OLFML2A: variants seen among roughly 807,000 people sequenced by gnomAD.
The protein encoded by OLFML2A is olfactomedin-like protein 2A.
In OLFML2A, 47 loss-of-function variants were observed where a neutral mutation model predicts 60.9. The observed-to-expected ratio is 0.77, with a 90% confidence interval of 0.61 to 0.98. The LOEUF (loss-of-function observed/expected upper bound fraction) is 0.98, where lower values mean the gene tolerates loss of function less well. OLFML2A is among the 50% of genes least tolerant of loss of function. The pLI, the probability that OLFML2A is intolerant of heterozygous loss-of-function variation, is 0.00. For missense variants in OLFML2A, 922 were observed against 879.8 expected (o/e 1.05, Z -0.61); for synonymous variants, 372 against 375.0 (o/e 0.99, Z 0.09).
intron 3 of OLFML2A, among the ~76,000 whole-genome samples, chr9:124,797,962 G>C (rs924419266): frequency 6.6e-6 from 1 of 152,224 alleles, no homozygotes; most frequent in Non-Finnish European, 1.5e-5. Flanking sequence ...AGCAAGGGGA[G>C]ATGAGGCAGG....
At chr9:124,803,268 CT>C (rs1841817672) in intron 5 of OLFML2A, among the ~76,000 whole-genome samples, 1 of 151,830 alleles carries the variant, frequency 6.6e-6, no homozygotes. Flanking sequence ...TCCTTTCTTT[CT>C]TTTTTTCTTT....
At chr9:124,783,856 G>A (rs1451055760) in intron 1 of OLFML2A, among the ~76,000 whole-genome samples, 2 of 152,192 alleles carry the variant, frequency 1.3e-5, no homozygotes, top group Non-Finnish European at 2.9e-5. Flanking sequence ...CATATTTCAG[G>A]TACTAATAGG....
intron 3 of OLFML2A, among the ~76,000 whole-genome samples, chr9:124,795,892 G>C (rs551649013): frequency 6.6e-6 from 1 of 152,378 alleles, no homozygotes; most frequent in Admixed American, 6.5e-5. Context: ...TCCTGCCCTG[G>C]TCAGGGTGAA....
chr9:124,805,813 T>TTTG (rs1554757346), intron 6 of OLFML2A, among the ~76,000 whole-genome samples: 22 of 126,808 alleles, frequency 1.7e-4, no homozygotes, highest in African/African-American at 6.2e-4. Context: ...TTTTGGTTTT[T>TTTG]TTTTTTTTTT....
intron 6 of OLFML2A, among the ~76,000 whole-genome samples, chr9:124,807,292 C>CCCTTTTT (rs1554757483): frequency 1.2e-5 from 1 of 86,512 alleles, no homozygotes; most frequent in Non-Finnish European, 2.1e-5. Flanking sequence ...TTTCTCCATT[C>CCCTTTTT]TCTTTTTTTT....
At chr9:124,796,630 C>T (rs997952909) in intron 3 of OLFML2A, among the ~76,000 whole-genome samples, 1 of 152,198 alleles carries the variant, frequency 6.6e-6, no homozygotes, top group Admixed American at 6.5e-5. Flanking sequence ...GGGGAGAGAA[C>T]AGCCTCACTT....
At chr9:124,778,623 T>TA (rs35250314) in intron 1 of OLFML2A, among the ~76,000 whole-genome samples, 167 of 147,114 alleles carry the variant, frequency 1.1e-3, no homozygotes, top group Middle Eastern at 3.5e-3. Flanking sequence ...CCCGTCTCTA[T>TA]AAAAAAAAAA....
chr9:124,778,939 T>C, intron 1 of OLFML2A: 1 of 984,950 alleles, frequency 1.0e-6, no homozygotes, highest in South Asian at 4.7e-5. Context: ...AGAATGTGAG[T>C]GTCCTGCCTG....
rs1269387903 is a variant in OLFML2A, at chr9:124,814,010, CG to C, written c.*3601del. On this transcript the variant is annotated 3_prime_UTR_variant, in exon 8 of 8. Coordinates refer to ENST00000373580, the MANE Select transcript of OLFML2A (RefSeq NM_182487.4). ...CAAAGGAAGGCAAAGGAAGCTGTCTCGGGTGTTTCTGAACAACGTGACTCAT... is the reference window on the plus strand; with the variant it reads ...CAAAGGAAGGCAAAGGAAGCTGTCTCGGTGTTTCTGAACAACGTGACTCAT... The C allele has an allele frequency of 6.6e-6, 1 of 152,228 alleles. No homozygotes were observed. The highest frequency in any genetic ancestry group is 2.4e-5 in the African/African-American group (1 of 41,434). 9.4% of individuals were successfully genotyped at this position (152,228 alleles called of 1,614,324 possible).
At chr9:124,802,531 G>A (rs1409998134) in intron 5 of OLFML2A, among the ~76,000 whole-genome samples, 1 of 152,236 alleles carries the variant, frequency 6.6e-6, no homozygotes, top group East Asian at 1.9e-4. Context: ...CCCAGCTGCT[G>A]GCCCAAGCCC....
chr9:124,779,669 A>C lies in OLFML2A; in HGVS notation c.90+2309A>C. On this transcript the variant is annotated intron_variant, in intron 1 of 7. Transcript: ENST00000373580. This position sits in a 1 kb window ranked among gnomAD's most constrained non-coding sequence, Gnocchi z 4.1. Reference sequence around the variant, plus strand: ...CACAGCCCTCCCCCAGACACCTCCCACCCCCAAACCACTTCAGCCAGCTGG... The same window carrying C: ...CACAGCCCTCCCCCAGACACCTCCCCCCCCCAAACCACTTCAGCCAGCTGG... Among the ~76,000 whole-genome samples, 1 of 149,916 alleles carries C rather than the reference A, an allele frequency of 6.7e-6. No individual in the cohort carries two copies. The highest frequency in any genetic ancestry group is 1.5e-5 in the Non-Finnish European group (1 of 67,516).
At chr9:124,808,594 T>C (rs1287538085) in intron 7 of OLFML2A, among the ~76,000 whole-genome samples, 2 of 152,064 alleles carry the variant, frequency 1.3e-5, no homozygotes, top group Non-Finnish European at 2.9e-5. Flanking sequence ...CTGAAGGGGC[T>C]ATGGGAACCC....
intron 3 of OLFML2A, 148 bp downstream of exon 3, chr9:124,795,279 C>A: frequency 1.8e-6 from 1 of 569,446 alleles, no homozygotes; most frequent in Admixed American, 2.9e-5. Flanking sequence ...GAAATGCAGG[C>A]CACAGGGTCC....
intron 7 of OLFML2A, among the ~76,000 whole-genome samples, chr9:124,808,531 T>TG (rs1841946356): frequency 6.6e-6 from 1 of 151,564 alleles, no homozygotes; most frequent in Non-Finnish European, 1.5e-5. Flanking sequence ...CACAGTCTGG[T>TG]GGGGGAGGCA....
intron 1 of OLFML2A, among the ~76,000 whole-genome samples, chr9:124,780,452 G>T (rs1446177985): frequency 3.3e-5 from 5 of 152,230 alleles, no homozygotes; most frequent in Admixed American, 1.3e-4. Flanking sequence ...GAGCAGGAGG[G>T]GCTAGAGCAG....
At chr9:124,808,717 G>T (rs1042714329) in intron 7 of OLFML2A, among the ~76,000 whole-genome samples, 1 of 152,068 alleles carries the variant, frequency 6.6e-6, no homozygotes, top group Non-Finnish European at 1.5e-5. Context: ...CAGGCAGAAG[G>T]CTGAGTACAT....
chr9:124,803,755 G>A (rs748474021), intron 5 of OLFML2A, among the ~76,000 whole-genome samples: 2 of 152,196 alleles, frequency 1.3e-5, no homozygotes, highest in Admixed American at 6.5e-5. Flanking sequence ...TTGGTACCTC[G>A]TATTTGCTGG....
chr9:124,796,219 G>A (rs941374623), intron 3 of OLFML2A, among the ~76,000 whole-genome samples: 15 of 152,216 alleles, frequency 9.9e-5, no homozygotes, highest in Non-Finnish European at 1.5e-4. Flanking sequence ...TTAAGTATTC[G>A]AAAAGTGTTT....
intron 6 of OLFML2A, among the ~76,000 whole-genome samples, chr9:124,805,942 A>G (rs1204798806): frequency 6.6e-6 from 1 of 150,498 alleles, no homozygotes; most frequent in Non-Finnish European, 1.5e-5. Flanking sequence ...CAGCCTCCCA[A>G]GCAGATGGGA....
Sources: gnomAD v4.1 joint callset for allele counts (sites outside exome capture counted in the v4.1 genomes callset) on GRCh38, gnomAD v4.1.1 for gene constraint, Gnocchi (gnomAD v3.1) non-coding constraint, MANE v1.5 for transcripts, NCBI Gene and HGNC (gene_info 2026-07-23, HGNC 2026-07-21) for gene names.